The following DPP9 variants were observed in gnomAD, a reference collection of about 807,000 sequenced individuals.
DPP9 encodes the protein dipeptidyl peptidase IV-related protein-2.
DPP9 carries 50 observed loss-of-function variants against 110.7 expected under a neutral mutation model. That is an observed-to-expected ratio of 0.45 (90% confidence interval 0.36 to 0.57). The LOEUF is 0.57. DPP9 is among the 20% of genes least tolerant of loss of function. The probability of loss-of-function intolerance (pLI) is 0.00; values close to 1 mark genes in which losing one functional copy is unlikely to be tolerated. For missense variants in DPP9, 1,022 were observed against 1,217.9 expected, an observed-to-expected ratio of 0.84 and a Z score of 2.39; for synonymous variants, 561 against 514.4, an observed-to-expected ratio of 1.09 and a Z score of -1.23.
Position 4,704,410 on chromosome 19 carries a change from C to CG in DPP9, c.427-107dup. The CG allele has an allele frequency of 7.4e-7, 1 of 1,360,404 alleles. No individual in the cohort carries two copies. Among genetic ancestry groups the CG allele is most frequent in the Non-Finnish European group, 1.0e-6 (1 of 992,896 alleles). The allele number at this position is 1,360,404 out of a possible 1,614,324, so 84.3% of individuals were successfully genotyped here. A position where few individuals can be genotyped will look rare whatever the true frequency, so the allele number is the denominator to read the frequency against. On this transcript the variant is annotated intron_variant, in intron 5 of 21. Coordinates refer to ENST00000262960, the MANE Select transcript of DPP9 (RefSeq NM_139159.5). This position sits in a 1 kb window ranked among gnomAD's most constrained non-coding sequence, Gnocchi z 6.0. Reference sequence around the variant, plus strand: ...GGGGCATTCCCAGGGAATCTGACTTCGGGCCTCGCCAGAGAGAACTTCCTG... The same window carrying CG: ...GGGGCATTCCCAGGGAATCTGACTTCGGGGCCTCGCCAGAGAGAACTTCCTG...
intron 10 of DPP9, among the ~76,000 whole-genome samples, chr19:4,699,169 A>G (rs2092047434): frequency 6.6e-6 from 1 of 151,198 alleles, no homozygotes; most frequent in Non-Finnish European, 1.5e-5. Context: ...AAAAAAAAAA[A>G]AAAAAAAAAA....
rs966426776 is a variant in DPP9 at position 4,720,882 on chromosome 19, C to G, written c.-35-941G>C. On this transcript the variant is annotated intron_variant, in intron 2 of 21. Coordinates refer to ENST00000262960, the MANE Select transcript of DPP9 (RefSeq NM_139159.5). ...TGGAATAAACTTCCCATGGAACAAGCATTCTAAACGAGGGGGACCCCCAGC... is the reference window on the plus strand; with the variant it reads ...TGGAATAAACTTCCCATGGAACAAGGATTCTAAACGAGGGGGACCCCCAGC... Among the ~76,000 whole-genome samples, 9 of 152,230 alleles carry G rather than the reference C, an allele frequency of 5.9e-5. No individual in the cohort carries two copies. In the South Asian group the frequency reaches 1.9e-3, roughly 32 times the overall value.
At position 4,714,201 on chromosome 19, in the gene DPP9, T is replaced by C. The variant is rs1439582837; in HGVS notation, c.193A>G (p.Ser65Gly). The C allele has an allele frequency of 3.7e-6, 6 of 1,608,366 alleles. No individual in the cohort carries two copies. Among genetic ancestry groups the C allele is most frequent in the Non-Finnish European group, 4.2e-6 (5 of 1,177,856 alleles). Reference sequence around the variant, plus strand: ...TACTTGCGGCTGCCGTGGATGATGCTCCGGAGCCCGTCCCACGAGTGCTTC... The same window carrying C: ...TACTTGCGGCTGCCGTGGATGATGCCCCGGAGCCCGTCCCACGAGTGCTTC... Reference protein sequence around the residue: ...VQKHSWDGLRSIIHGSRKYSG... With the variant: ...VQKHSWDGLRGIIHGSRKYSG... The change falls in exon 4 of 22, where the codon AGC (serine) becomes GGC (glycine). Residue 65 changes from serine to glycine, a missense_variant. Ser to Gly is a moderately conservative substitution (Grantham distance 56). Coordinates refer to ENST00000262960, the MANE Select transcript of DPP9 (RefSeq NM_139159.5).
chr19:4,683,509 T>A lies in DPP9; in HGVS notation c.2299A>T (p.Met767Leu). 1 of 1,613,210 alleles carries A rather than the reference T, an allele frequency of 6.2e-7. No individual in the cohort carries two copies. Among genetic ancestry groups the A allele is most frequent in the Non-Finnish European group, 8.5e-7 (1 of 1,179,856 alleles). The change falls in exon 19 of 22, where the codon ATG (methionine) becomes TTG (leucine). Residue 767 changes from methionine to leucine, a missense_variant. Physicochemically the swap from Met to Leu is conservative, Grantham distance 15. Around this residue, in one of 3 missense-constraint regions of DPP9, gnomAD observed 209 missense variants for 280.4 expected, o/e 0.75. Coordinates refer to ENST00000262960, the MANE Select transcript of DPP9 (RefSeq NM_139159.5). The stretch of plus-strand genomic sequence containing the variant: ...ACCTGGGGCTTGTGGATTAGCCCCA[T>A]GAGCGAGAGGAAGCCCCCGTAGGAC... ...GWSYGGFLSL[M>L]GLIHKPQVFK...
intron 4 of DPP9, among the ~76,000 whole-genome samples, chr19:4,707,088 G>A (rs1046526115): frequency 3.3e-5 from 5 of 152,156 alleles, no homozygotes; most frequent in Admixed American, 3.3e-4. Context: ...AGAAAATGAC[G>A]GTAGTGAGAG....
chr19:4,683,681 C>T (rs747130948), intron 18 of DPP9, 52 bp from the exon 19 acceptor site: 3 of 1,612,850 alleles, frequency 1.9e-6, no homozygotes, highest in Non-Finnish European at 2.5e-6. Context: ...GTATGTCCCT[C>T]CCCTGCAGTG....
Position 4,682,800 on chromosome 19 carries a change from G to A in DPP9, c.2370C>T (p.Ala790=), listed in dbSNP as rs759252166. Residue 790 remains alanine, a synonymous_variant, in exon 20 of 22, where the codon GCC becomes GCT. Coordinates refer to ENST00000262960, the MANE Select transcript of DPP9 (RefSeq NM_139159.5). The surrounding 1 kb of genome is among the most constrained non-coding windows in gnomAD (Gnocchi z 7.1). ...AGCGCTCAGTGTACCCTGTGTCGTAGGCCATCCAGACGGTGACCGGGGCAC... is the reference window on the plus strand; with the variant it reads ...AGCGCTCAGTGTACCCTGTGTCGTAAGCCATCCAGACGGTGACCGGGGCAC... The part of the protein sequence containing the change: ...IAGAPVTVWM[A]YDTGYTERYM... 1 of 1,597,116 alleles carries A rather than the reference G, an allele frequency of 6.3e-7. No homozygotes were observed. Among genetic ancestry groups the A allele is most frequent in the East Asian group, 2.3e-5 (1 of 44,024 alleles).
chr19:4,684,978 A>T lies in DPP9; in HGVS notation c.2032-169T>A. The T allele has an allele frequency of 1.2e-6, 1 of 839,690 alleles. No individual in the cohort carries two copies. Among genetic ancestry groups the T allele is most frequent in the East Asian group, 2.7e-5 (1 of 37,540 alleles). 52.0% of individuals were successfully genotyped at this position (839,690 alleles called of 1,614,324 possible). On this transcript the variant is annotated intron_variant, in intron 17 of 21. Transcript: ENST00000262960. The surrounding 1 kb of genome is among the most constrained non-coding windows in gnomAD (Gnocchi z 4.8). ...GGACACCTGGGAGTGGCAAGGCGGG[A>T]GGGGCCCATACTCGGGACCCTGCTA...
At position 4,704,194 on chromosome 19, in the gene DPP9, G is replaced by A. The variant is rs757574966; in HGVS notation, c.537C>T (p.Leu179=). Residue 179 remains leucine, a synonymous_variant, in exon 6 of 22, where the codon CTC becomes CTT. Transcript: ENST00000262960. The surrounding 1 kb of genome is among the most constrained non-coding windows in gnomAD (Gnocchi z 6.0). ...GGCTGTTGCTGGCCTGGAAGAGGAA[G>A]AGGCCACTCTCGCTGTGGAAGTCGT... ...TSYDFHSESG[L]FLFQASNSLF... is the part of the protein sequence containing the mutation. 1 of 1,614,052 alleles carries A rather than the reference G, an allele frequency of 6.2e-7. No individual in the cohort carries two copies. Among genetic ancestry groups the A allele is most frequent in the Non-Finnish European group, 8.5e-7 (1 of 1,179,902 alleles).
At chr19:4,702,208 C>A in intron 8 of DPP9, 53 bp from the exon 9 acceptor site, 2 of 1,564,582 alleles carry the variant, frequency 1.3e-6, no homozygotes, top group Non-Finnish European at 1.7e-6. Context: ...AGAGTCCCTG[C>A]CATCAGCACC....
chr19:4,695,022 A>G lies in DPP9; in HGVS notation c.1354-199T>C. The G allele has an allele frequency of 1.6e-6, 1 of 624,062 alleles. No homozygotes were observed. Among genetic ancestry groups the G allele is most frequent in the Non-Finnish European group, 2.8e-6 (1 of 360,326 alleles). The allele number at this position is 624,062 out of a possible 1,614,324, so 38.7% of individuals were successfully genotyped here. On this transcript the variant is annotated intron_variant, in intron 12 of 21. Coordinates refer to ENST00000262960, the MANE Select transcript of DPP9 (RefSeq NM_139159.5). This position sits in a 1 kb window ranked among gnomAD's most constrained non-coding sequence, Gnocchi z 4.7. ...ATAAATTAGCCAGGCATGGTGGTGC[A>G]GGCTTGTGGTCCTAGCTACTCTGGA... is the stretch of plus-strand genomic sequence containing the variant.
At position 4,719,859 on chromosome 19, in the gene DPP9, A is replaced by T; in HGVS notation, c.48T>A (p.Ser16Arg). ...KLRLDKENTG[S>R]WRSFSLNSEG... Reference sequence around the variant, plus strand: ...TCCGAGGCCAACCTCACCTTCTCCAACTTCCGGTGTTCTCCTTGTCCAGGC... The same window carrying T: ...TCCGAGGCCAACCTCACCTTCTCCATCTTCCGGTGTTCTCCTTGTCCAGGC... Residue 16 changes from serine to arginine, a missense_variant, in exon 3 of 22, where the codon AGT (serine) becomes AGA (arginine). Ser to Arg is a moderately radical substitution (Grantham distance 110). Transcript: ENST00000262960. 6.4e-7 allele frequency: 1 copy of T among 1,551,710 alleles called. No individual in the cohort carries two copies. Among genetic ancestry groups the T allele is most frequent in the Non-Finnish European group, 8.7e-7 (1 of 1,146,988 alleles).
In DPP9 at chr19:4,687,024, C is replaced by T. The variant is rs954329423; in HGVS notation, c.1886-1253G>A. ...TTGGGAGTTTCGGGAAACAGTGCCT[C>T]GTTCCCCAGGGCACTGAGGTTCTGG... On this transcript the variant is annotated intron_variant, in intron 16 of 21. Coordinates refer to ENST00000262960, the MANE Select transcript of DPP9 (RefSeq NM_139159.5). This position sits in a 1 kb window ranked among gnomAD's most constrained non-coding sequence, Gnocchi z 4.7. Among the ~76,000 whole-genome samples, 1 of 152,140 alleles carries T rather than the reference C, an allele frequency of 6.6e-6. No homozygotes were observed. Among genetic ancestry groups the T allele is most frequent in the Non-Finnish European group, 1.5e-5 (1 of 68,014 alleles).
At chr19:4,712,185 C>T (rs1475614818) in intron 4 of DPP9, among the ~76,000 whole-genome samples, 1 of 152,224 alleles carries the variant, frequency 6.6e-6, no homozygotes, top group Non-Finnish European at 1.5e-5. Flanking sequence ...CAGCCAAGCT[C>T]TCTCAGGTAA....
At position 4,694,829 on chromosome 19, in the gene DPP9, C is replaced by T. The variant is rs770896961; in HGVS notation, c.1354-6G>A. 5 of 1,613,332 alleles carry T rather than the reference C, an allele frequency of 3.1e-6. No homozygotes were observed. The highest frequency in any genetic ancestry group is 1.3e-5 in the African/African-American group (1 of 74,880). On this transcript the variant is annotated splice_region_variant and splice_polypyrimidine_tract_variant and intron_variant, in intron 12 of 21. Transcript: ENST00000262960. This position sits in a 1 kb window ranked among gnomAD's most constrained non-coding sequence, Gnocchi z 4.0. ...GGATAGAAGATGTCATGAACCTGTC[C>T]GGAAAGCAGATAGAAGATGCGTCAG... is the stretch of plus-strand genomic sequence containing the variant.
intron 5 of DPP9, 131 bp downstream of exon 5, chr19:4,705,727 C>G: frequency 1.2e-6 from 1 of 810,946 alleles, no homozygotes; most frequent in Middle Eastern, 3.5e-4. Flanking sequence ...CCAGAGTCCA[C>G]AGGACGGAGG....
In DPP9 at chr19:4,695,432, G is replaced by A. The variant is rs988612520; in HGVS notation, c.1299C>T (p.Pro433=). 46 of 1,594,644 alleles carry A rather than the reference G, an allele frequency of 2.9e-5. No individual in the cohort carries two copies. The highest frequency in any genetic ancestry group is 3.8e-5 in the Non-Finnish European group (45 of 1,171,026). ...EQRLASARAV[P]RNVQPYVVYE... ...ACACCACATACGGCTGGACATTCCT[G>A]GGGACAGCTCTGGCAGAGGCTAGCC... Residue 433 remains proline, a synonymous_variant, in exon 12 of 22, where the codon CCC becomes CCT. Transcript: ENST00000262960. This position sits in a 1 kb window ranked among gnomAD's most constrained non-coding sequence, Gnocchi z 4.7.
intron 8 of DPP9, 78 bp downstream of exon 8, chr19:4,702,525 G>A (rs1022842377): frequency 1.3e-5 from 14 of 1,112,828 alleles, no homozygotes; most frequent in Non-Finnish European, 1.8e-5. Flanking sequence ...AAAGGAGTAA[G>A]GCGCAGGAAG....
chr19:4,679,628 C>A, intron 21 of DPP9: 1 of 571,794 alleles, frequency 1.7e-6, no homozygotes, highest in African/African-American at 1.9e-5. Context: ...GCAGGCGGAA[C>A]CCTGAGCTGT....
Sources: gnomAD v4.1 joint callset for allele counts (sites outside exome capture counted in the v4.1 genomes callset) on GRCh38, gnomAD v4.1.1 for gene constraint, gnomAD v4.1.1 regional missense constraint, Gnocchi (gnomAD v3.1) non-coding constraint, MANE v1.5 for transcripts, NCBI Gene and HGNC (gene_info 2026-07-23, HGNC 2026-07-21) for gene names.